Variants in SUGCT observed in about 807,000 individuals in gnomAD.
SUGCT encodes the protein succinyl-CoA:glutarate-CoA transferase.
SUGCT carries 41 observed loss-of-function variants against 55.0 expected under a neutral mutation model. The observed-to-expected ratio is 0.74, with a 90% CI of 0.58 to 0.97. The LOEUF is 0.97. Ranked by LOEUF, SUGCT falls within the 50% of genes least tolerant of loss-of-function variation. SUGCT has a pLI of 0.00. For missense variants in SUGCT, 568 were observed against 547.8 expected, an observed-to-expected ratio of 1.04 and a Z score of -0.37; for synonymous variants, 187 against 200.4, an observed-to-expected ratio of 0.93 and a Z score of 0.56.
chr7:40,296,573 CAG>C (rs1394385649), intron 8 of SUGCT, among the ~76,000 whole-genome samples: 4 of 150,688 alleles, frequency 2.7e-5, no homozygotes, highest in African/African-American at 4.9e-5. Flanking sequence ...GGCAAAATCT[CAG>C]AGAGAGGGGG....
At chr7:40,139,543 C>A (rs1257211435) in intron 1 of SUGCT, among the ~76,000 whole-genome samples, 1 of 152,168 alleles carries the variant, frequency 6.6e-6, no homozygotes. Flanking sequence ...TGAAAAATGC[C>A]TACTCATGTC....
In SUGCT at chr7:40,135,080, G is replaced by A. The variant is rs1199802632; in HGVS notation, c.60G>A (p.Arg20=). The change falls in exon 1 of 14, where the codon CGG becomes CGA. Residue 20 remains arginine (R), a synonymous_variant. Coordinates refer to ENST00000335693, the MANE Select transcript of SUGCT (RefSeq NM_001193313.2). ...GCAGAACCTGCCTCTTCTCCGGCCG[G>A]GGCGGCGGGAGGGGGCTGTGGACTG... ...ALRRTCLFSG[R]GGGRGLWTGR... The A allele has an allele frequency of 3.8e-6, 6 of 1,560,374 alleles. No homozygotes were observed. Among genetic ancestry groups the A allele is most frequent in the Non-Finnish European group, 4.3e-6 (5 of 1,153,366 alleles).
chr7:40,177,378 G>A (rs933530689), intron 1 of SUGCT, among the ~76,000 whole-genome samples: 6 of 136,628 alleles, frequency 4.4e-5, no homozygotes, highest in African/African-American at 1.3e-4. Flanking sequence ...CTCCCACTGC[G>A]CCCACTATAC....
chr7:40,527,395 A>C (rs1216625601), intron 12 of SUGCT, among the ~76,000 whole-genome samples: 3 of 152,192 alleles, frequency 2.0e-5, no homozygotes, highest in Admixed American at 6.5e-5. Context: ...GTTGCATTAG[A>C]TTCTTTTTCC....
At chr7:40,844,365 T>A in intron 13 of SUGCT, among the ~76,000 whole-genome samples, 1 of 151,940 alleles carries the variant, frequency 6.6e-6, no homozygotes, top group Non-Finnish European at 1.5e-5. Context: ...ATGCAGAGGA[T>A]TTTATTTAGA....
At chr7:40,604,010 C>T (rs1798412082) in intron 12 of SUGCT, among the ~76,000 whole-genome samples, 1 of 152,100 alleles carries the variant, frequency 6.6e-6, no homozygotes, top group Non-Finnish European at 1.5e-5. Flanking sequence ...TGTTCTTTAG[C>T]CCATCCTGAG....
At chr7:40,351,696 C>A (rs1288286465) in intron 9 of SUGCT, among the ~76,000 whole-genome samples, 1 of 152,164 alleles carries the variant, frequency 6.6e-6, no homozygotes, top group Non-Finnish European at 1.5e-5. Flanking sequence ...GCTGACATCA[C>A]ATTTAGAGTT....
intron 12 of SUGCT, among the ~76,000 whole-genome samples, chr7:40,614,616 GT>G (rs1798908957): frequency 6.6e-6 from 1 of 152,134 alleles, no homozygotes; most frequent in Non-Finnish European, 1.5e-5. Context: ...CCATACCACA[GT>G]TTATTAAAAA....
At chr7:40,913,032 G>GTTTT in the SUGCT span, among the ~76,000 whole-genome samples, 1 of 102,976 alleles carries the variant, frequency 9.7e-6, no homozygotes, top group Non-Finnish European at 1.8e-5. Flanking sequence ...TTTTTTTTGA[G>GTTTT]ATGTAATCTC....
intron 12 of SUGCT, among the ~76,000 whole-genome samples, chr7:40,713,192 T>A (rs1785818675): frequency 6.6e-6 from 1 of 152,216 alleles, no homozygotes; most frequent in Admixed American, 6.5e-5. Context: ...CTCCCCTGAC[T>A]GGCACTGTGT....
At chr7:40,625,069 G>T (rs1799460735) in intron 12 of SUGCT, among the ~76,000 whole-genome samples, 1 of 151,906 alleles carries the variant, frequency 6.6e-6, no homozygotes, top group African/African-American at 2.4e-5. Flanking sequence ...AAATAAAATT[G>T]CCTCAATCCC....
At chr7:40,498,882 C>A (rs1376785833) in intron 12 of SUGCT, 1 of 361,916 alleles carries the variant, frequency 2.8e-6, no homozygotes, top group Non-Finnish European at 5.4e-6. Flanking sequence ...TTGCACTCTA[C>A]TATCCTTTTA....
intron 12 of SUGCT, among the ~76,000 whole-genome samples, chr7:40,714,970 A>G (rs1785940127): frequency 6.6e-6 from 1 of 152,188 alleles, no homozygotes; most frequent in South Asian, 2.1e-4. Flanking sequence ...CTGAAGTTCT[A>G]TCATGTTCCT....
chr7:40,457,367 C>T (rs1789544258), intron 10 of SUGCT, among the ~76,000 whole-genome samples: 1 of 152,098 alleles, frequency 6.6e-6, no homozygotes, highest in Non-Finnish European at 1.5e-5. Context: ...TCCCTTGAAC[C>T]CGGGAGGTGG....
At chr7:40,544,994 C>G (rs893177172) in intron 12 of SUGCT, among the ~76,000 whole-genome samples, 4 of 152,170 alleles carry the variant, frequency 2.6e-5, no homozygotes, top group African/African-American at 7.2e-5. Flanking sequence ...TCCTCTCCCC[C>G]ACACACTCCA....
chr7:40,820,088 T>G (rs1175141713), intron 13 of SUGCT, among the ~76,000 whole-genome samples: 1 of 152,226 alleles, frequency 6.6e-6, no homozygotes, highest in Non-Finnish European at 1.5e-5. Flanking sequence ...GTATTATTTC[T>G]GAGGGCTCTG....
intron 7 of SUGCT, among the ~76,000 whole-genome samples, chr7:40,257,654 T>A (rs1269159143): frequency 6.6e-6 from 1 of 152,144 alleles, no homozygotes; most frequent in Non-Finnish European, 1.5e-5. Flanking sequence ...GGCTGGCGGA[T>A]CACCTGAGGC....
chr7:40,142,162 T>C (rs1161467278), intron 1 of SUGCT, among the ~76,000 whole-genome samples: 1 of 151,752 alleles, frequency 6.6e-6, no homozygotes, highest in Non-Finnish European at 1.5e-5. Context: ...TCAGAATGAG[T>C]CAAGGTGAAG....
chr7:40,871,697 C>A, the SUGCT span, among the ~76,000 whole-genome samples: 196 of 150,254 alleles, frequency 1.3e-3, 1 homozygote, highest in African/African-American at 4.7e-3. Flanking sequence ...GTGAGCCTCA[C>A]CCTCTGGTAT....
Sources: gnomAD v4.1 joint callset for allele counts (sites outside exome capture counted in the v4.1 genomes callset) on GRCh38, gnomAD v4.1.1 for gene constraint, MANE v1.5 for transcripts, NCBI Gene and HGNC (gene_info 2026-07-23, HGNC 2026-07-21) for gene names.